Variants in ADGRL4 observed in about 807,000 individuals in gnomAD.
ADGRL4 encodes adhesion G protein-coupled receptor L4.
ADGRL4 carries 90 observed loss-of-function variants against 74.8 expected under a neutral mutation model. That is an observed-to-expected ratio of 1.20 (90% CI 1.02 to 1.43). The LOEUF (loss-of-function observed/expected upper bound fraction) is 1.43. Among genes scored for constraint, ADGRL4 ranks in the 40% most tolerant of loss-of-function variants. The probability of loss-of-function intolerance (pLI) is 0.00; values close to 1 mark genes in which losing one functional copy is unlikely to be tolerated. For missense variants in ADGRL4, 881 were observed against 814.3 expected (o/e 1.08, Z -1.00); for synonymous variants, 311 against 279.2 (o/e 1.11, Z -1.14).
intron 2 of ADGRL4, among the ~76,000 whole-genome samples, chr1:78,975,929 A>G (rs959307917): frequency 6.6e-6 from 1 of 151,962 alleles, no homozygotes; most frequent in African/African-American, 2.4e-5. Context: ...AAAAAAATAC[A>G]TGAAAGGGTG....
intron 3 of ADGRL4, among the ~76,000 whole-genome samples, chr1:78,942,295 C>T (rs17102467): frequency 0.032 from 4,808 of 150,992 alleles, 94 homozygotes; most frequent in South Asian, 0.054. Context: ...CCACCTGATA[C>T]TGTAACTGGA....
intron 2 of ADGRL4, among the ~76,000 whole-genome samples, chr1:78,957,894 T>C (rs550412080): frequency 1.3e-5 from 2 of 152,332 alleles, no homozygotes; most frequent in South Asian, 2.1e-4. Context: ...AAGCACAGGC[T>C]GATGCTCTTG....
At chr1:78,927,788 C>A (rs140260807) in intron 7 of ADGRL4, among the ~76,000 whole-genome samples, 251 of 152,186 alleles carry the variant, frequency 1.6e-3, no homozygotes, top group African/African-American at 5.9e-3. Flanking sequence ...CATGAATAAA[C>A]AGGATTATTT....
chr1:78,941,261 T>TA (rs1649473985), intron 3 of ADGRL4, among the ~76,000 whole-genome samples: 1 of 152,182 alleles, frequency 6.6e-6, no homozygotes, highest in South Asian at 2.1e-4. Flanking sequence ...CAGATGGTAG[T>TA]GCAGACTAGG....
chr1:78,999,554 C>T (rs1434991008), intron 2 of ADGRL4, among the ~76,000 whole-genome samples: 1 of 152,004 alleles, frequency 6.6e-6, no homozygotes, highest in African/African-American at 2.4e-5. Flanking sequence ...GCTTGGGCGA[C>T]AGAGCGAGAC....
intron 13 of ADGRL4, 43 bp from the exon 14 acceptor site, chr1:78,891,735 A>G: frequency 6.5e-7 from 1 of 1,532,628 alleles, no homozygotes; most frequent in African/African-American, 1.4e-5. Context: ...AGCTACGTAT[A>G]GTCAACATAT....
chr1:78,948,510 T>C (rs1432395650), intron 2 of ADGRL4, among the ~76,000 whole-genome samples: 1 of 152,102 alleles, frequency 6.6e-6, no homozygotes, highest in Admixed American at 6.6e-5. Context: ...GCACAGCATA[T>C]GGAGGTGGGA....
intron 2 of ADGRL4, among the ~76,000 whole-genome samples, chr1:78,993,926 G>GA (rs982573477): frequency 2.0e-5 from 3 of 151,986 alleles, no homozygotes; most frequent in African/African-American, 4.8e-5. Context: ...GAATTTTTGT[G>GA]AAAAAATCAA....
At chr1:78,891,439 T>C in intron 14 of ADGRL4, 85 bp downstream of exon 14, 1 of 1,417,472 alleles carries the variant, frequency 7.1e-7, no homozygotes, top group Non-Finnish European at 9.6e-7. Flanking sequence ...AAGTCATAAA[T>C]CTATGAGAGT....
intron 12 of ADGRL4, 138 bp from the exon 13 acceptor site, chr1:78,893,327 G>A (rs915488871): frequency 4.9e-5 from 31 of 627,946 alleles, no homozygotes; most frequent in Non-Finnish European, 6.5e-5. Flanking sequence ...CAATATCACT[G>A]AAAATTATCA....
intron 2 of ADGRL4, among the ~76,000 whole-genome samples, chr1:78,984,753 C>T (rs1314596519): frequency 6.6e-6 from 1 of 151,642 alleles, no homozygotes; most frequent in Admixed American, 6.6e-5. Flanking sequence ...AAAAAAATTC[C>T]TAGAAATTTC....
At chr1:78,979,294 G>C (rs943232817) in intron 2 of ADGRL4, among the ~76,000 whole-genome samples, 8 of 151,804 alleles carry the variant, frequency 5.3e-5, no homozygotes, top group Admixed American at 3.3e-4. Flanking sequence ...TTATAAGTCC[G>C]TTCCCTTTAG....
intron 2 of ADGRL4, among the ~76,000 whole-genome samples, chr1:78,973,944 T>C (rs1217564389): frequency 1.3e-5 from 2 of 152,186 alleles, no homozygotes; most frequent in South Asian, 4.1e-4. Flanking sequence ...TTGGATTTCA[T>C]TATTGAGAAT....
chr1:78,896,491 AT>A (rs1402150321), intron 12 of ADGRL4, among the ~76,000 whole-genome samples: 1 of 152,112 alleles, frequency 6.6e-6, no homozygotes, highest in African/African-American at 2.4e-5. Flanking sequence ...TCTCAAAAAA[AT>A]GTTATCTTAC....
At chr1:78,965,953 A>C (rs1333468408) in intron 2 of ADGRL4, among the ~76,000 whole-genome samples, 2 of 151,876 alleles carry the variant, frequency 1.3e-5, no homozygotes, top group Non-Finnish European at 2.9e-5. Flanking sequence ...TGAAAAAGTA[A>C]GGTTTATTTC....
chr1:78,915,680 T>C (rs1648855302), intron 12 of ADGRL4, among the ~76,000 whole-genome samples: 1 of 151,782 alleles, frequency 6.6e-6, no homozygotes. Flanking sequence ...GCCTAAACTG[T>C]TGGTGGTTCT....
At chr1:78,965,044 A>G (rs1254446791) in intron 2 of ADGRL4, among the ~76,000 whole-genome samples, 1 of 152,060 alleles carries the variant, frequency 6.6e-6, no homozygotes, top group African/African-American at 2.4e-5. Context: ...CTGTGAAGCT[A>G]AAATATCCTT....
chr1:78,916,601 T>G (rs892397156), intron 12 of ADGRL4, among the ~76,000 whole-genome samples: 2 of 151,910 alleles, frequency 1.3e-5, no homozygotes, highest in Admixed American at 6.6e-5. Flanking sequence ...ACTTTATGAA[T>G]GCCCTTGATT....
chr1:78,966,503 G>T (rs533536790), intron 2 of ADGRL4, among the ~76,000 whole-genome samples: 3 of 152,276 alleles, frequency 2.0e-5, no homozygotes, highest in South Asian at 2.1e-4. Flanking sequence ...TCTCACTGTT[G>T]CTTCTGAGCC....
Sources: allele counts gnomAD v4.1 joint callset (sites outside exome capture counted in the v4.1 genomes callset), GRCh38; gene constraint gnomAD v4.1.1; transcripts MANE v1.5; gene names NCBI Gene and HGNC (gene_info 2026-07-23, HGNC 2026-07-21).